The following DYRK4 variants were observed in gnomAD, a reference collection of about 807,000 sequenced individuals.
DYRK4 encodes dual specificity tyrosine-phosphorylation-regulated kinase 4.
In DYRK4, 64 loss-of-function variants were observed where a neutral mutation model predicts 68.3. The ratio of observed to expected loss-of-function variants is 0.94; its 90% CI spans 0.77 to 1.15. DYRK4 has a LOEUF of 1.15. Ranked by LOEUF, DYRK4 falls within the 50% of genes most tolerant of loss-of-function variation. DYRK4 has a pLI of 0.00. For missense variants in DYRK4, 740 were observed against 764.7 expected (o/e 0.97, Z 0.38); for synonymous variants, 274 against 289.9 (o/e 0.95, Z 0.56).
At chr12:4,573,483 G>A (rs1487013116) in intron 2 of DYRK4, 4 of 1,008,828 alleles carry the variant, frequency 4.0e-6, no homozygotes, top group East Asian at 6.0e-5. Flanking sequence ...AGGAATTGGC[G>A]GGTGGGGGCA....
chr12:4,574,730 T>G (rs1013313777), intron 2 of DYRK4, among the ~76,000 whole-genome samples: 4 of 152,222 alleles, frequency 2.6e-5, no homozygotes, highest in Non-Finnish European at 5.9e-5. Flanking sequence ...ATTGAAAAGT[T>G]TTTTTTAGAC....
chr12:4,563,902 A>G lies in DYRK4; in HGVS notation c.38+1619A>G, dbSNP rs534009237. Among the ~76,000 whole-genome samples, 3 of 152,340 alleles carry G rather than the reference A, an allele frequency of 2.0e-5. No individual in the cohort carries two copies. The South Asian group carries it at 6.2e-4, about 32-fold the overall frequency. On this transcript the variant is annotated intron_variant, in intron 1 of 14. Transcript: ENST00000543431. ...CCAAGAAATATCAAGTACCAACCCT[A>G]TGTAAATTAACAGTTGAGTGTGAAA...
rs1253274783 is a variant in DYRK4 at position 4,562,229 on chromosome 12, C to A, written c.-17C>A. 1 of 1,523,628 alleles carries A rather than the reference C, an allele frequency of 6.6e-7. No individual in the cohort carries two copies. Among genetic ancestry groups the A allele is most frequent in the Non-Finnish European group, 8.8e-7 (1 of 1,140,966 alleles). 94.4% of individuals were successfully genotyped at this position (1,523,628 alleles called of 1,614,324 possible). Reference sequence around the variant, plus strand: ...TCTCACAGCCTCCCGCAGCGGCGGGCGGTCAGCGCCGGCCTCATGCAGCTC... The same window carrying A: ...TCTCACAGCCTCCCGCAGCGGCGGGAGGTCAGCGCCGGCCTCATGCAGCTC... On this transcript the variant is annotated 5_prime_UTR_variant, in exon 1 of 15. Coordinates refer to ENST00000543431, the MANE Select transcript of DYRK4 (RefSeq NM_001394779.1).
chr12:4,582,243 G>C (rs934664287), intron 2 of DYRK4, among the ~76,000 whole-genome samples: 1 of 151,918 alleles, frequency 6.6e-6, no homozygotes, highest in African/African-American at 2.4e-5. Context: ...TCGGGAGTTC[G>C]AGACCAGCCT....
At chr12:4,604,428 A>G (rs992297932) in intron 10 of DYRK4, among the ~76,000 whole-genome samples, 1 of 152,144 alleles carries the variant, frequency 6.6e-6, no homozygotes, top group African/African-American at 2.4e-5. Flanking sequence ...CAGTCTGTTC[A>G]TCCTCACCTG....
chr12:4,573,244 C>A, intron 2 of DYRK4: 4 of 1,123,162 alleles, frequency 3.6e-6, no homozygotes, highest in South Asian at 2.7e-5. Flanking sequence ...TGAAGATAGG[C>A]ATTTACTTCT....
intron 2 of DYRK4, 80 bp downstream of exon 2, chr12:4,568,128 T>A: frequency 7.6e-7 from 1 of 1,319,900 alleles, no homozygotes; most frequent in Non-Finnish European, 1.0e-6. Context: ...TGCTGATGGT[T>A]GTGCCCCAAG....
chr12:4,575,974 T>C (rs1944785167), intron 2 of DYRK4, among the ~76,000 whole-genome samples: 1 of 152,214 alleles, frequency 6.6e-6, no homozygotes, highest in Admixed American at 6.5e-5. Context: ...TTATTGACAT[T>C]TTACATTCAT....
At chr12:4,568,178 C>A in intron 2 of DYRK4, 130 bp downstream of exon 2, 1 of 850,442 alleles carries the variant, frequency 1.2e-6, no homozygotes, top group Non-Finnish European at 1.8e-6. Flanking sequence ...TGTGGAGGAT[C>A]ATGCTGATTG....
chr12:4,574,844 A>G (rs983889438), intron 2 of DYRK4, among the ~76,000 whole-genome samples: 20 of 152,190 alleles, frequency 1.3e-4, no homozygotes, highest in African/African-American at 4.3e-4. Flanking sequence ...CAGCCTCCCC[A>G]GTAGCTGGGA....
chr12:4,610,926 A>AT (rs745886706), intron 13 of DYRK4, among the ~76,000 whole-genome samples: 1 of 152,198 alleles, frequency 6.6e-6, no homozygotes, highest in Non-Finnish European at 1.5e-5. Context: ...TATTCTTATT[A>AT]TTTTACGACT....
Position 4,605,729 on chromosome 12 carries a change from G to GGTT in DYRK4, c.1299+643_1299+644insGTT, listed in dbSNP as rs1491142357. ...CTCTTAGAAAAATGAATAGAGCTGG[G>GGTT]TTTTTTTTTTTTTTTTTTTTTTTTT... On this transcript the variant is annotated intron_variant, in intron 11 of 14. Transcript: ENST00000543431. 8.8e-5 allele frequency among the ~76,000 whole-genome samples: 9 copies of GGTT among 102,104 alleles called. No individual in the cohort carries two copies. The East Asian group carries it at 1.9e-3, about 21-fold the overall frequency. 67.0% of individuals were successfully genotyped at this position (102,104 alleles called of 152,430 possible). A position where few individuals can be genotyped will look rare whatever the true frequency, so the allele number is the denominator to read the frequency against.
intron 13 of DYRK4, 62 bp downstream of exon 13, chr12:4,610,346 G>A (rs747582622): frequency 1.3e-4 from 191 of 1,426,114 alleles, no homozygotes; most frequent in Admixed American, 1.9e-4. Context: ...TTTGACACAC[G>A]TTTGCTGGTG....
At chr12:4,584,339 A>T (rs1429100735) in intron 2 of DYRK4, among the ~76,000 whole-genome samples, 5 of 152,200 alleles carry the variant, frequency 3.3e-5, no homozygotes, top group African/African-American at 7.2e-5. Flanking sequence ...ACTGCAACTC[A>T]GTGATTCTGT....
At chr12:4,566,904 C>T (rs576653403) in intron 1 of DYRK4, among the ~76,000 whole-genome samples, 2 of 152,254 alleles carry the variant, frequency 1.3e-5, no homozygotes, top group South Asian at 2.1e-4. Context: ...TTCAATATGC[C>T]TGTATAAAGA....
At chr12:4,599,670 T>C (rs754811104) in intron 9 of DYRK4, 37 bp from the exon 10 acceptor site, 2 of 1,550,008 alleles carry the variant, frequency 1.3e-6, no homozygotes, top group South Asian at 2.2e-5. Flanking sequence ...TAGGGCCGCA[T>C]TACTGTAGCT....
In DYRK4 at chr12:4,604,931, A is replaced by T. The variant is rs763436728; in HGVS notation, c.1144A>T (p.Ser382Cys). Residue 382 changes from serine (S) to cysteine (C), a missense_variant, in exon 11 of 15, where the codon AGC becomes TGC. By Grantham distance (112) the Ser-to-Cys change is moderately radical. Coordinates refer to ENST00000543431, the MANE Select transcript of DYRK4 (RefSeq NM_001394779.1). ...CTCCGCAGTATACACGTACATCCAA[A>T]GCCGGTTCTACCGATCCCCAGAAGT... ...EHQKVYTYIQ[S>C]RFYRSPEVIL... 1.6e-5 allele frequency: 25 copies of T among 1,610,510 alleles called. No individual in the cohort carries two copies. The highest frequency in any genetic ancestry group is 2.0e-5 in the Non-Finnish European group (24 of 1,178,136).
In DYRK4 at chr12:4,591,472, G is replaced by C. The variant is rs1353883635; in HGVS notation, c.463+174G>C. The C allele has an allele frequency of 1.1e-6, 1 of 906,034 alleles. No homozygotes were observed. The highest frequency in any genetic ancestry group is 1.6e-6 in the Non-Finnish European group (1 of 625,028). 56.1% of individuals were successfully genotyped at this position (906,034 alleles called of 1,614,324 possible). On this transcript the variant is annotated intron_variant, in intron 5 of 14. Transcript: ENST00000543431. The surrounding 1 kb of genome is among the most constrained non-coding windows in gnomAD (Gnocchi z 4.1). ...TGAACCTCTGACTGTGGTAGTATAA[G>C]CAAGAGGCTGAATAGGAGGCTGAAT...
chr12:4,598,911 C>A (rs1945048468), intron 8 of DYRK4, 117 bp from the exon 9 acceptor site: 1 of 1,200,790 alleles, frequency 8.3e-7, no homozygotes, highest in Admixed American at 1.9e-5. Flanking sequence ...TGCCTCCTGG[C>A]CTGAGGCTTG....
Sources: allele counts gnomAD v4.1 joint callset (sites outside exome capture counted in the v4.1 genomes callset), GRCh38; gene constraint gnomAD v4.1.1; non-coding constraint Gnocchi (gnomAD v3.1); transcripts MANE v1.5; gene names NCBI Gene and HGNC (gene_info 2026-07-23, HGNC 2026-07-21).